CALHM6: variants seen among roughly 807,000 people sequenced by gnomAD.
The protein encoded by CALHM6 is calcium homeostasis modulator family member 6, also known as calcium homeostasis modulator protein 6.
In CALHM6, 15 loss-of-function variants were observed where a neutral mutation model predicts 12.7. That is an observed-to-expected ratio of 1.18 (90% CI 0.79 to 1.82). CALHM6 has a LOEUF of 1.82. CALHM6 is among the 40% of genes most tolerant of loss of function. The probability of loss-of-function intolerance (pLI) is 0.00; values close to 1 mark genes in which losing one functional copy is unlikely to be tolerated. For missense variants in CALHM6, 434 were observed against 421.0 expected (o/e 1.03, Z -0.27); for synonymous variants, 212 against 193.7 (o/e 1.09, Z -0.78).
rs1259719582 is a variant in CALHM6 at position 116,461,985 on chromosome 6, G to A, written c.56G>A (p.Gly19Asp). The part of the protein sequence containing the change: ...DLHVKHHSAL[G>D]YGLVTLLTAG... ...CACGTCAAGCACCACAGCGCCTTGG[G>A]CTACGGCCTGGTGACCCTGCTGACG... Residue 19 changes from glycine to aspartate, a missense_variant, in exon 2 of 3, where the codon GGC (glycine) becomes GAC (aspartate). Gly to Asp is a moderately conservative substitution (Grantham distance 94, BLOSUM62 -1). Transcript: ENST00000368605. The A allele has an allele frequency of 1.9e-6, 3 of 1,547,960 alleles. No homozygotes were observed. In the East Asian group the frequency reaches 7.4e-5, roughly 38 times the overall value.
chr6:116,462,167 G>C lies in CALHM6; in HGVS notation c.238G>C (p.Gly80Arg), dbSNP rs1057192. The change falls in exon 2 of 3, where the codon GGA becomes CGA. Residue 80 changes from glycine (G) to arginine (R), a missense_variant. Transcript: ENST00000368605. ...LSARTWRLLT[G>R]CCSSARASCG... ...CGCACGCACGTGGCGCCTGCTCACC[G>C]GATGCTGCTCCAGCGCCCGCGCGAG... 6.5e-7 allele frequency: 1 copy of C among 1,527,282 alleles called. No individual in the cohort carries two copies. The highest frequency in any genetic ancestry group is 2.0e-5 in the Admixed American group (1 of 50,522). The allele number at this position is 1,527,282 out of a possible 1,614,324, so 94.6% of individuals were successfully genotyped here.
Position 116,463,334 on chromosome 6 carries a change from A to G in CALHM6, c.577A>G (p.Thr193Ala), listed in dbSNP as rs779077244. 20 of 1,613,868 alleles carry G rather than the reference A, an allele frequency of 1.2e-5. No homozygotes were observed. Among genetic ancestry groups the G allele is most frequent in the Non-Finnish European group, 1.7e-5 (20 of 1,180,002 alleles). Residue 193 changes from threonine (T) to alanine (A), a missense_variant, in exon 3 of 3, where the codon ACA becomes GCA. Transcript: ENST00000368605. Reference protein sequence around the residue: ...AVVIIILLIFTSVTRCLSPVS... With the variant: ...AVVIIILLIFASVTRCLSPVS... Reference sequence around the variant, plus strand: ...TGTTATCATCATTCTTCTGATTTTTACATCTGTCACCCGATGCCTATCTCC... The same window carrying G: ...TGTTATCATCATTCTTCTGATTTTTGCATCTGTCACCCGATGCCTATCTCC...
rs1784821004 is a variant in CALHM6 at position 116,463,342 on chromosome 6, C to T, written c.585C>T (p.Val195=). Residue 195 remains valine (V), a synonymous_variant, in exon 3 of 3, where the codon GTC becomes GTT. Coordinates refer to ENST00000368605, the MANE Select transcript of CALHM6 (RefSeq NM_001010919.3). ...TCATTCTTCTGATTTTTACATCTGT[C>T]ACCCGATGCCTATCTCCAGTTAGTT... ...VIIILLIFTS[V]TRCLSPVSFL... is the part of the protein sequence containing the mutation. 2.5e-6 allele frequency: 4 copies of T among 1,614,032 alleles called. No homozygotes were observed. The highest frequency in any genetic ancestry group is 1.1e-5 in the South Asian group (1 of 91,078).
In CALHM6 at chr6:116,463,320, T is replaced by G. The variant is rs1481196115; in HGVS notation, c.563T>G (p.Ile188Ser). The G allele has an allele frequency of 3.7e-6, 6 of 1,614,018 alleles. No homozygotes were observed. The highest frequency in any genetic ancestry group is 5.1e-6 in the Non-Finnish European group (6 of 1,179,962). The stretch of plus-strand genomic sequence containing the variant: ...ATCTTGATAGCAGTTGTTATCATCA[T>G]TCTTCTGATTTTTACATCTGTCACC... ...GWILIAVVII[I>S]LLIFTSVTRC... The change falls in exon 3 of 3, where the codon ATT (isoleucine) becomes AGT (serine). Residue 188 changes from isoleucine (I) to serine (S), a missense_variant. Coordinates refer to ENST00000368605, the MANE Select transcript of CALHM6 (RefSeq NM_001010919.3).
In CALHM6 at chr6:116,463,679, G is replaced by T. The variant is rs756460296; in HGVS notation, c.922G>T (p.Gly308Cys). ...IPVLGFVDSS[G>C]INSTPEL ...TGTTCTTGGCTTTGTAGATTCATCTGGTATAAACAGCACTCCTGAGTTATG... is the reference window on the plus strand; with the variant it reads ...TGTTCTTGGCTTTGTAGATTCATCTTGTATAAACAGCACTCCTGAGTTATG... The change falls in exon 3 of 3, where the codon GGT (glycine) becomes TGT (cysteine). Residue 308 changes from glycine (G) to cysteine (C), a missense_variant. Coordinates refer to ENST00000368605, the MANE Select transcript of CALHM6 (RefSeq NM_001010919.3). 6.2e-7 allele frequency: 1 copy of T among 1,608,114 alleles called. No homozygotes were observed. Among genetic ancestry groups the T allele is most frequent in the Non-Finnish European group, 8.5e-7 (1 of 1,177,092 alleles).
In CALHM6 at chr6:116,462,256, G is replaced by A. The variant is rs1199799844; in HGVS notation, c.327G>A (p.Ala109=). 4.4e-6 allele frequency: 6 copies of A among 1,370,534 alleles called. No homozygotes were observed. The highest frequency in any genetic ancestry group is 3.7e-6 in the Non-Finnish European group (4 of 1,068,622). The allele number at this position is 1,370,534 out of a possible 1,614,324, so 84.9% of individuals were successfully genotyped here. Residue 109 remains alanine (A), a synonymous_variant, in exon 2 of 3, where the codon GCG becomes GCA. Transcript: ENST00000368605. ...CTQISAAAAL[A]PLTWVAVALL... Reference sequence around the variant, plus strand: ...AAATCAGCGCGGCCGCCGCGCTCGCGCCCCTCACCTGGGTGGCCGTGGCGC... The same window carrying A: ...AAATCAGCGCGGCCGCCGCGCTCGCACCCCTCACCTGGGTGGCCGTGGCGC...
chr6:116,463,594 T>C lies in CALHM6; in HGVS notation c.837T>C (p.Tyr279=), dbSNP rs779942248. The C allele has an allele frequency of 2.5e-6, 4 of 1,613,980 alleles. No homozygotes were observed. In the South Asian group the frequency reaches 3.3e-5, roughly 13 times the overall value. The part of the protein sequence containing the change: ...KGQYYSMLHK[Y]VNRKEKTHSI... Reference sequence around the variant, plus strand: ...AGTACTACAGCATGTTGCACAAATATGTCAACAGAAAAGAGAAGACTCACA... The same window carrying C: ...AGTACTACAGCATGTTGCACAAATACGTCAACAGAAAAGAGAAGACTCACA... The change falls in exon 3 of 3, where the codon TAT becomes TAC. Residue 279 remains tyrosine (Y), a synonymous_variant. Coordinates refer to ENST00000368605, the MANE Select transcript of CALHM6 (RefSeq NM_001010919.3).
At position 116,462,070 on chromosome 6, in the gene CALHM6, G is replaced by A; in HGVS notation, c.141G>A (p.Trp47Ter). The A allele has an allele frequency of 1.3e-6, 2 of 1,547,898 alleles. No individual in the cohort carries two copies. The highest frequency in any genetic ancestry group is 8.7e-7 in the Non-Finnish European group (1 of 1,146,482). The change falls in exon 2 of 3, where the codon TGG (tryptophan) becomes TGA (stop). Residue 47 changes from tryptophan (W) to a stop codon, truncating the protein, a stop_gained. Transcript: ENST00000368605. LOFTEE classifies it high-confidence loss of function. ...VAFQCPCSAA[W>*]NLPYGLVFLL... ...TCCAGTGCCCGTGCAGCGCCGCCTG[G>A]AACCTGCCCTACGGCCTGGTCTTCT...
intron 1 of CALHM6, 55 bp downstream of exon 1, chr6:116,461,484 AC>A: frequency 6.7e-7 from 1 of 1,499,300 alleles, no homozygotes; most frequent in Non-Finnish European, 9.1e-7. Context: ...TGGCTTAGTA[AC>A]TAGGGTGGCT....
At chr6:116,463,163 C>A in intron 2 of CALHM6, 120 bp from the exon 3 acceptor site, 1 of 977,766 alleles carries the variant, frequency 1.0e-6, no homozygotes, top group Non-Finnish European at 1.5e-6. Context: ...GAATTAAGAC[C>A]TAAAACTGTT....
Position 116,463,561 on chromosome 6 carries a change from G to T in CALHM6, c.804G>T (p.Pro268=), listed in dbSNP as rs377095737. 6.2e-7 allele frequency: 1 copy of T among 1,614,108 alleles called. No homozygotes were observed. Residue 268 remains proline, a synonymous_variant, in exon 3 of 3, where the codon CCG becomes CCT. Coordinates refer to ENST00000368605, the MANE Select transcript of CALHM6 (RefSeq NM_001010919.3). ...QQISSLYTFN[P]KGQYYSMLHK... is the part of the protein sequence containing the mutation. ...TTTCATCACTGTATACTTTCAATCC[G>T]AAGGGCCAGTACTACAGCATGTTGC...
Position 116,462,141 on chromosome 6 carries a change from G to A in CALHM6, c.212G>A (p.Ser71Asn), listed in dbSNP as rs1161366508. The A allele has an allele frequency of 2.0e-6, 3 of 1,532,606 alleles. No homozygotes were observed. The highest frequency in any genetic ancestry group is 1.4e-5 in the African/African-American group (1 of 72,668). 94.9% of individuals were successfully genotyped at this position (1,532,606 alleles called of 1,614,324 possible). ...CTCTTCCTCCTGGGCTACGTGCTGA[G>A]CGCACGCACGTGGCGCCTGCTCACC... ...LALFLLGYVL[S>N]ARTWRLLTGC... The change falls in exon 2 of 3, where the codon AGC becomes AAC. Residue 71 changes from serine (S) to asparagine (N), a missense_variant. By Grantham distance (46) the Ser-to-Asn change is conservative (BLOSUM62 1). Transcript: ENST00000368605.
rs945033930 is a variant in CALHM6 at position 116,462,381 on chromosome 6, C to A, written c.452C>A (p.Pro151Gln). Residue 151 changes from proline (P) to glutamine (Q), a missense_variant, in exon 2 of 3, where the codon CCG becomes CAG. Pro to Gln is a moderately conservative substitution (Grantham distance 76). Transcript: ENST00000368605. ...AACCGCAGCTGCGCCGCGGAGCTGC[C>A]GCTGGTGCCGTGCAACCAGGCCAAG... The part of the protein sequence containing the change: ...GRNRSCAAEL[P>Q]LVPCNQAKAS... The A allele has an allele frequency of 1.4e-5, 20 of 1,466,300 alleles. No individual in the cohort carries two copies. Among genetic ancestry groups the A allele is most frequent in the Non-Finnish European group, 1.7e-5 (19 of 1,112,388 alleles). The allele number at this position is 1,466,300 out of a possible 1,614,324, so 90.8% of individuals were successfully genotyped here. A position where few individuals can be genotyped will look rare whatever the true frequency, so the allele number is the denominator to read the frequency against.
intron 2 of CALHM6, among the ~76,000 whole-genome samples, chr6:116,462,909 CTA>C (rs1187416185): frequency 6.6e-6 from 1 of 152,194 alleles, no homozygotes; most frequent in Non-Finnish European, 1.5e-5. Context: ...TTAAAGGGGT[CTA>C]TAGAATAAAA....
At position 116,463,660 on chromosome 6, in the gene CALHM6, T is replaced by G. The variant is rs1204824271; in HGVS notation, c.903T>G (p.Leu301=). ...STEGDTVIPV[L]GFVDSSGINS... The stretch of plus-strand genomic sequence containing the variant: ...AAGGAGATACGGTGATTCCTGTTCT[T>G]GGCTTTGTAGATTCATCTGGTATAA... The change falls in exon 3 of 3, where the codon CTT becomes CTG. Residue 301 remains leucine, a synonymous_variant. Coordinates refer to ENST00000368605, the MANE Select transcript of CALHM6 (RefSeq NM_001010919.3). The G allele has an allele frequency of 6.2e-7, 1 of 1,613,346 alleles. No homozygotes were observed. The highest frequency in any genetic ancestry group is 1.7e-5 in the Admixed American group (1 of 59,862).
At position 116,462,467 on chromosome 6, in the gene CALHM6, C is replaced by A; in HGVS notation, c.525+13C>A. ...GGCTCAGTCGCAGGTCTGCCGCTGG[C>A]GCTGGGGGCGTTTGGGAGGAGCCGA... On this transcript the variant is annotated intron_variant, in intron 2 of 2. Transcript: ENST00000368605. 1 of 1,482,828 alleles carries A rather than the reference C, an allele frequency of 6.7e-7. No individual in the cohort carries two copies. The highest frequency in any genetic ancestry group is 9.0e-7 in the Non-Finnish European group (1 of 1,114,422). The allele number at this position is 1,482,828 out of a possible 1,614,324, so 91.9% of individuals were successfully genotyped here.
intron 1 of CALHM6, among the ~76,000 whole-genome samples, 154 bp downstream of exon 1, chr6:116,461,583 G>C (rs1004358686): frequency 6.6e-6 from 1 of 151,992 alleles, no homozygotes; most frequent in Non-Finnish European, 1.5e-5. Context: ...TTGTCAGATT[G>C]GTGGTAATAA....
chr6:116,462,333 C>T lies in CALHM6; in HGVS notation c.404C>T (p.Ala135Val), dbSNP rs1408113927. The change falls in exon 2 of 3, where the codon GCG becomes GTG. Residue 135 changes from alanine to valine, a missense_variant. Ala to Val is a moderately conservative substitution (Grantham distance 64). Coordinates refer to ENST00000368605, the MANE Select transcript of CALHM6 (RefSeq NM_001010919.3). ...GCGGCCACCGGGAGCGCGGCCTTCGCGCAGCGCCTGTGCCTCGGCCGCAAC... is the reference window on the plus strand; with the variant it reads ...GCGGCCACCGGGAGCGCGGCCTTCGTGCAGCGCCTGTGCCTCGGCCGCAAC... ...ECAATGSAAF[A>V]QRLCLGRNRS... 1.4e-6 allele frequency: 2 copies of T among 1,444,216 alleles called. No homozygotes were observed. The highest frequency in any genetic ancestry group is 1.8e-6 in the Non-Finnish European group (2 of 1,103,928). The allele number at this position is 1,444,216 out of a possible 1,614,324, so 89.5% of individuals were successfully genotyped here. A position where few individuals can be genotyped will look rare whatever the true frequency, so the allele number is the denominator to read the frequency against.
chr6:116,463,147 C>G (rs1784816481), intron 2 of CALHM6, 136 bp from the exon 3 acceptor site: 2 of 839,602 alleles, frequency 2.4e-6, no homozygotes, highest in Non-Finnish European at 3.7e-6. Context: ...ACACCTTACT[C>G]TTAAGGAATT....
Sources: gnomAD v4.1 joint callset for allele counts (sites outside exome capture counted in the v4.1 genomes callset) on GRCh38, gnomAD v4.1.1 for gene constraint, MANE v1.5 for transcripts, NCBI Gene and HGNC (gene_info 2026-07-23, HGNC 2026-07-21) for gene names.